MYOM2: variants seen among roughly 807,000 people sequenced by gnomAD.
MYOM2 encodes the protein myomesin-2.
MYOM2 carries 254 observed loss-of-function variants against 187.6 expected under a neutral mutation model. The observed-to-expected ratio is 1.35, with a 90% CI of 1.22 to 1.50. The LOEUF is 1.50. Ranked by LOEUF, MYOM2 falls within the 40% of genes most tolerant of loss-of-function variation. The pLI is 0.00. For missense variants in MYOM2, 2,796 were observed against 1,924.0 expected (o/e 1.45, Z -8.48); for synonymous variants, 981 against 753.8 (o/e 1.30, Z -4.94).
intron 13 of MYOM2, among the ~76,000 whole-genome samples, chr8:2,084,025 C>T (rs1398984035): frequency 6.6e-6 from 1 of 152,202 alleles, no homozygotes; most frequent in African/African-American, 2.4e-5. Flanking sequence ...TCCTTCTGTC[C>T]CCTTGGTTTG....
In MYOM2 at chr8:2,145,350, C is replaced by A; in HGVS notation, c.*369C>A. 1.6e-5 allele frequency: 5 copies of A among 303,908 alleles called. No individual in the cohort carries two copies. Among genetic ancestry groups the A allele is most frequent in the South Asian group, 7.7e-5 (1 of 13,012 alleles). The allele number at this position is 303,908 out of a possible 1,614,324, so 18.8% of individuals were successfully genotyped here. On this transcript the variant is annotated 3_prime_UTR_variant, in exon 37 of 37. Coordinates refer to ENST00000262113, the MANE Select transcript of MYOM2 (RefSeq NM_003970.4). ...GCCACCGTGCTTCTCTTTGGGGGGC[C>A]GCGAGATCTAGCATCTCTGAAATCC...
chr8:2,071,529 G>T (rs951183675), intron 8 of MYOM2, among the ~76,000 whole-genome samples: 2 of 152,130 alleles, frequency 1.3e-5, no homozygotes, highest in Admixed American at 1.3e-4. Flanking sequence ...GGAGGCAGCC[G>T]TGGCTTCCAA....
intron 3 of MYOM2, 67 bp from the exon 4 acceptor site, chr8:2,057,281 G>A (rs1162964043): frequency 1.2e-5 from 18 of 1,536,244 alleles, no homozygotes; most frequent in South Asian, 6.4e-5. Flanking sequence ...TGCCCTTTCC[G>A]GCCTTCGGGG....
At chr8:2,098,671 A>T (rs1245029665) in intron 18 of MYOM2, among the ~76,000 whole-genome samples, 186 bp from the exon 19 acceptor site, 1 of 152,154 alleles carries the variant, frequency 6.6e-6, no homozygotes, top group African/African-American at 2.4e-5. Context: ...AAGGACACGT[A>T]AGGTTTCATG....
Position 2,050,805 on chromosome 8 carries a change from T to G in MYOM2, c.39T>G (p.His13Gln). 1 of 1,613,576 alleles carries G rather than the reference T, an allele frequency of 6.2e-7. No homozygotes were observed. Among genetic ancestry groups the G allele is most frequent in the Non-Finnish European group, 8.5e-7 (1 of 1,179,490 alleles). ...LVTVPFYQKRHRHFDQSYRNI... is the reference protein window; with the variant it reads ...LVTVPFYQKRQRHFDQSYRNI... ...CTGTCCCCTTCTACCAGAAGAGACA[T>G]AGGCACTTCGACCAGTCCTACCGTA... Residue 13 changes from histidine (H) to glutamine (Q), a missense_variant, in exon 2 of 37, where the codon CAT becomes CAG. His to Gln is a conservative substitution (Grantham distance 24, BLOSUM62 0). Coordinates refer to ENST00000262113, the MANE Select transcript of MYOM2 (RefSeq NM_003970.4).
intron 2 of MYOM2, among the ~76,000 whole-genome samples, chr8:2,051,350 C>T (rs1391663977): frequency 1.3e-5 from 2 of 152,106 alleles, no homozygotes; most frequent in Non-Finnish European, 2.9e-5. Context: ...GGCTGGTGTG[C>T]ACCTGCATCT....
intron 6 of MYOM2, among the ~76,000 whole-genome samples, chr8:2,061,414 C>G (rs1308925393): frequency 2.0e-5 from 3 of 152,188 alleles, no homozygotes; most frequent in African/African-American, 4.8e-5. Flanking sequence ...CTCCCTCTGT[C>G]TGGCTCCTGC....
chr8:2,112,919 C>T (rs572478805), intron 25 of MYOM2, among the ~76,000 whole-genome samples: 8 of 152,340 alleles, frequency 5.3e-5, no homozygotes, highest in African/African-American at 1.7e-4. Flanking sequence ...TCTCCCGCTA[C>T]GCCTGCCTCA....
chr8:2,049,023 C>T (rs900561985), intron 1 of MYOM2, among the ~76,000 whole-genome samples: 16 of 152,082 alleles, frequency 1.1e-4, no homozygotes, highest in African/African-American at 3.6e-4. Context: ...AATCTCCTGA[C>T]CTCGTGATCC....
chr8:2,045,358 G>A lies in MYOM2; in HGVS notation c.-13+190G>A, dbSNP rs3779868. On this transcript the variant is annotated intron_variant, in intron 1 of 36. Coordinates refer to ENST00000262113, the MANE Select transcript of MYOM2 (RefSeq NM_003970.4). Reference sequence around the variant, plus strand: ...TCTGGGATCTGTATTTCTTTGACGAGGTTTTATGCTCAACTAACATTTTAT... The same window carrying A: ...TCTGGGATCTGTATTTCTTTGACGAAGTTTTATGCTCAACTAACATTTTAT... Among the ~76,000 whole-genome samples the A allele has an allele frequency of 1.1e-3, 165 of 152,312 alleles. 3 individuals carry two copies. The East Asian group carries it at 0.03, about 28-fold the overall frequency.
At chr8:2,079,044 G>C (rs996590385) in intron 12 of MYOM2, 111 bp downstream of exon 12, 11 of 1,035,024 alleles carry the variant, frequency 1.1e-5, no homozygotes, top group Non-Finnish European at 1.6e-5. Flanking sequence ...AGAATGCCCT[G>C]TGTGCAGAGC....
At chr8:2,102,074 G>A (rs958087239) in intron 20 of MYOM2, 4 of 152,460 alleles carry the variant, frequency 2.6e-5, no homozygotes, top group African/African-American at 4.8e-5. Context: ...GTCTGGGTCC[G>A]GCACCTGAGC....
chr8:2,060,836 TC>T (rs11311906), intron 6 of MYOM2, among the ~76,000 whole-genome samples: 55,377 of 151,864 alleles, frequency 0.36, 10,279 homozygotes, highest in East Asian at 0.57. Flanking sequence ...AAGACTTCCT[TC>T]AAGGACCACA....
chr8:2,080,213 G>A (rs1819573214), intron 13 of MYOM2, among the ~76,000 whole-genome samples: 1 of 152,196 alleles, frequency 6.6e-6, no homozygotes, highest in South Asian at 2.1e-4. Context: ...AGAGTGCCAT[G>A]GGTGAAAACA....
At chr8:2,090,255 C>T (rs1796252715) in intron 15 of MYOM2, 64 bp downstream of exon 15, 7 of 1,468,770 alleles carry the variant, frequency 4.8e-6, no homozygotes, top group East Asian at 2.3e-5. Context: ...CACCAAATAG[C>T]CTTAAATTGT....
chr8:2,130,822 G>C (rs1797838429), intron 32 of MYOM2, among the ~76,000 whole-genome samples: 1 of 152,174 alleles, frequency 6.6e-6, no homozygotes, highest in Non-Finnish European at 1.5e-5. Flanking sequence ...GGTGAGTTTT[G>C]TGATATAATT....
chr8:2,123,663 T>C (rs1797536875), intron 30 of MYOM2, 21 bp downstream of exon 30: 1 of 1,604,508 alleles, frequency 6.2e-7, no homozygotes, highest in African/African-American at 1.3e-5. Context: ...ACCTCCTTTG[T>C]TCTGTGAACA....
intron 6 of MYOM2, among the ~76,000 whole-genome samples, chr8:2,068,814 T>G (rs1263576041): frequency 2.6e-5 from 4 of 152,180 alleles, no homozygotes; most frequent in Non-Finnish European, 5.9e-5. Flanking sequence ...CCTTCTCCTC[T>G]GGCAGCATCC....
chr8:2,082,082 A>T (rs1320026272), intron 13 of MYOM2: 3 of 152,128 alleles, frequency 2.0e-5, no homozygotes, highest in African/African-American at 7.2e-5. Context: ...GCTTGACGAG[A>T]CGTGGACACT....
Sources: gnomAD v4.1 joint callset for allele counts (sites outside exome capture counted in the v4.1 genomes callset) on GRCh38, gnomAD v4.1.1 for gene constraint, MANE v1.5 for transcripts, NCBI Gene and HGNC (gene_info 2026-07-23, HGNC 2026-07-21) for gene names.